The following NEK7 variants were observed in gnomAD, a reference collection of about 807,000 sequenced individuals.
NEK7 encodes serine/threonine-protein kinase Nek7.
NEK7 carries 18 observed loss-of-function variants against 44.6 expected under a neutral mutation model. The ratio of observed to expected loss-of-function variants is 0.40; its 90% CI spans 0.28 to 0.60. NEK7 has a LOEUF of 0.60. NEK7 is among the 20% of genes least tolerant of loss of function. The pLI is 0.38. For synonymous variants in NEK7, 130 were observed against 121.1 expected (o/e 1.07, Z -0.48); for missense variants, 256 against 366.5 (o/e 0.70, Z 2.46).
chr1:198,248,541 C>G (rs936557587), intron 2 of NEK7, among the ~76,000 whole-genome samples: 6 of 152,294 alleles, frequency 3.9e-5, no homozygotes, highest in African/African-American at 9.6e-5. Context: ...TCATTCATCT[C>G]TATTTCCCTA....
intron 2 of NEK7, among the ~76,000 whole-genome samples, chr1:198,242,611 G>A (rs550294592): frequency 2.0e-5 from 3 of 150,744 alleles, no homozygotes. Flanking sequence ...ACAGGCGTGC[G>A]CTACTACACC....
chr1:198,200,378 T>C (rs896631157), intron 1 of NEK7, among the ~76,000 whole-genome samples: 1 of 152,140 alleles, frequency 6.6e-6, no homozygotes, highest in Admixed American at 6.5e-5. Flanking sequence ...CAGATATGTA[T>C]ACGAAAACTT....
At chr1:198,233,586 A>G (rs1311299439) in intron 2 of NEK7, among the ~76,000 whole-genome samples, 1 of 152,116 alleles carries the variant, frequency 6.6e-6, no homozygotes, top group African/African-American at 2.4e-5. Flanking sequence ...GTTCTTTCAC[A>G]AGAGTTCTAT....
intron 1 of NEK7, among the ~76,000 whole-genome samples, chr1:198,193,325 C>G (rs1247949606): frequency 6.6e-6 from 1 of 151,908 alleles, no homozygotes; most frequent in East Asian, 1.9e-4. Context: ...AAATAGCCTA[C>G]TAACCAAAAA....
At chr1:198,177,871 T>C (rs1435249105) in intron 1 of NEK7, among the ~76,000 whole-genome samples, 1 of 152,020 alleles carries the variant, frequency 6.6e-6, no homozygotes, top group African/African-American at 2.4e-5. Context: ...AGAAAAGATA[T>C]GTTTGTTTTC....
At chr1:198,244,663 T>C (rs1391145868) in intron 2 of NEK7, among the ~76,000 whole-genome samples, 2 of 152,196 alleles carry the variant, frequency 1.3e-5, no homozygotes, top group African/African-American at 4.8e-5. Context: ...CAGAACAGTA[T>C]ACTGATTCTC....
At chr1:198,157,801 A>G (rs748320817) in intron 1 of NEK7, among the ~76,000 whole-genome samples, 1 of 152,150 alleles carries the variant, frequency 6.6e-6, no homozygotes, top group Non-Finnish European at 1.5e-5. Context: ...AAGTACAGGG[A>G]GCGTGAGAGG....
intron 1 of NEK7, among the ~76,000 whole-genome samples, chr1:198,229,423 A>T (rs1041708367): frequency 1.3e-5 from 2 of 152,204 alleles, no homozygotes; most frequent in Admixed American, 6.5e-5. Context: ...AAACCCAGAG[A>T]GGGGGTCAGG....
chr1:198,278,106 T>A, intron 6 of NEK7, 37 bp downstream of exon 6: 1 of 1,095,964 alleles, frequency 9.1e-7, no homozygotes. Flanking sequence ...AATCTTGTTT[T>A]AAATGATGTA....
Position 198,278,015 on chromosome 1 carries a change from G to A in NEK7, c.427G>A (p.Val143Ile). The A allele has an allele frequency of 8.1e-6, 13 of 1,608,186 alleles. No individual in the cohort carries two copies. The highest frequency in any genetic ancestry group is 1.1e-5 in the Non-Finnish European group (13 of 1,175,676). Residue 143 changes from valine (V) to isoleucine (I), a missense_variant, in exon 6 of 10, where the codon GTT becomes ATT. Val to Ile is a conservative substitution (Grantham distance 29). Transcript: ENST00000367385. ...IPERTVWKYF[V>I]QLCSALEHMH... ...TGAAAGAACTGTTTGGAAGTATTTT[G>A]TTCAGCTTTGCAGTGCATTGGAACA...
At chr1:198,279,931 A>G (rs532204618) in intron 7 of NEK7, among the ~76,000 whole-genome samples, 1 of 152,020 alleles carries the variant, frequency 6.6e-6, no homozygotes, top group Admixed American at 6.6e-5. Context: ...TACTCAATTA[A>G]TATTTGCTGA....
chr1:198,225,584 A>G (rs1263347587), intron 1 of NEK7, among the ~76,000 whole-genome samples: 4 of 152,114 alleles, frequency 2.6e-5, no homozygotes, highest in African/African-American at 9.7e-5. Flanking sequence ...CCTCTCTCAT[A>G]TCAAATGGAT....
At chr1:198,293,477 CAGAT>C (rs1488615842) in intron 8 of NEK7, among the ~76,000 whole-genome samples, 1 of 151,818 alleles carries the variant, frequency 6.6e-6, no homozygotes, top group African/African-American at 2.4e-5. Context: ...AGTATGCAAA[CAGAT>C]AGTTCTTCTA....
chr1:198,169,799 TG>T (rs1445863507), intron 1 of NEK7, among the ~76,000 whole-genome samples: 2 of 152,232 alleles, frequency 1.3e-5, no homozygotes, highest in African/African-American at 4.8e-5. Flanking sequence ...TAGTACTTAT[TG>T]AGTCTTGTTG....
chr1:198,232,474 A>G, intron 1 of NEK7, 79 bp from the exon 2 acceptor site: 1 of 665,578 alleles, frequency 1.5e-6, no homozygotes, highest in Non-Finnish European at 2.8e-6. Flanking sequence ...TAGCATTTGA[A>G]TGCATGTGTC....
chr1:198,192,848 A>G (rs1405657015), intron 1 of NEK7, among the ~76,000 whole-genome samples: 1 of 152,174 alleles, frequency 6.6e-6, no homozygotes, highest in Admixed American at 6.5e-5. Context: ...AAGTGCCCAC[A>G]TCAAAAAGCT....
intron 1 of NEK7, among the ~76,000 whole-genome samples, chr1:198,230,211 G>A (rs921261785): frequency 6.6e-6 from 1 of 152,004 alleles, no homozygotes; most frequent in Non-Finnish European, 1.5e-5. Context: ...TGGGACACCG[G>A]GTATGAAATG....
chr1:198,169,654 C>T (rs1440914943), intron 1 of NEK7, among the ~76,000 whole-genome samples: 2 of 151,256 alleles, frequency 1.3e-5, no homozygotes, highest in South Asian at 2.1e-4. Flanking sequence ...CTTTTCTCAC[C>T]ACTTTAAATG....
intron 3 of NEK7, among the ~76,000 whole-genome samples, chr1:198,255,140 A>C (rs1408023052): frequency 2.6e-4 from 39 of 152,200 alleles, no homozygotes; most frequent in Admixed American, 2.5e-3. Flanking sequence ...AACTTAAGCC[A>C]GGCTATAAAT....
Sources: allele counts gnomAD v4.1 joint callset (sites outside exome capture counted in the v4.1 genomes callset), GRCh38; gene constraint gnomAD v4.1.1; transcripts MANE v1.5; gene names NCBI Gene and HGNC (gene_info 2026-07-23, HGNC 2026-07-21).